The following NAV3 variants were observed in gnomAD, a reference collection of about 807,000 sequenced individuals.
NAV3 encodes neuron navigator 3, also known as pore membrane and/or filament interacting like protein 1.
Under a neutral mutation model 244.7 loss-of-function variants are expected in NAV3, and 87 were observed. That is an observed-to-expected ratio of 0.36 (90% confidence interval 0.30 to 0.42). The LOEUF (loss-of-function observed/expected upper bound fraction) is 0.42, where lower values mean the gene tolerates loss of function less well. Ranked by LOEUF, NAV3 falls within the 20% of genes least tolerant of loss-of-function variation. NAV3 has a pLI of 1.00. For synonymous variants in NAV3, 1,126 were observed against 1,042.2 expected (o/e 1.08, Z -1.55); for missense variants, 2,663 against 2,893.3 (o/e 0.92, Z 1.83).
At chr12:77,886,354 T>C (rs1287434580) in intron 1 of NAV3, among the ~76,000 whole-genome samples, 1 of 152,138 alleles carries the variant, frequency 6.6e-6, no homozygotes, top group Admixed American at 6.6e-5. Flanking sequence ...CATTCCCCAC[T>C]GTCACCACAA....
chr12:77,975,596 G>A (rs993199651), intron 5 of NAV3, among the ~76,000 whole-genome samples: 1 of 152,218 alleles, frequency 6.6e-6, no homozygotes, highest in Admixed American at 6.5e-5. Flanking sequence ...TCAGGGCAGT[G>A]TTTCAGGCTG....
intron 31 of NAV3, 104 bp from the exon 32 acceptor site, chr12:78,188,144 G>A (rs1958809886): frequency 3.7e-6 from 3 of 812,858 alleles, no homozygotes; most frequent in Admixed American, 2.2e-5. Flanking sequence ...TTAACAAATA[G>A]TTTAGTCTTA....
At chr12:77,763,207 C>T (rs1869576240) in intron 2 of NAV3, among the ~76,000 whole-genome samples, 1 of 152,036 alleles carries the variant, frequency 6.6e-6, no homozygotes, top group Non-Finnish European at 1.5e-5. Flanking sequence ...CTCATTTATG[C>T]AAGGAATATT....
chr12:78,016,968 C>T (rs1243875050), intron 8 of NAV3, among the ~76,000 whole-genome samples: 1 of 152,088 alleles, frequency 6.6e-6, no homozygotes, highest in East Asian at 1.9e-4. Context: ...CAGTAAAATA[C>T]TTAGTTCAGA....
chr12:78,183,013 G>T (rs1210470389), intron 30 of NAV3, among the ~76,000 whole-genome samples: 1 of 151,892 alleles, frequency 6.6e-6, no homozygotes, highest in Non-Finnish European at 1.5e-5. Context: ...AATATTAATT[G>T]CATGTTCCTT....
chr12:77,632,869 A>G (rs902221774), intron 2 of NAV3, among the ~76,000 whole-genome samples: 1 of 152,172 alleles, frequency 6.6e-6, no homozygotes, highest in Non-Finnish European at 1.5e-5. Context: ...AAATACAGAG[A>G]TATATCATAA....
At chr12:78,158,080 G>C (rs1447948271) in intron 22 of NAV3, among the ~76,000 whole-genome samples, 2 of 151,932 alleles carry the variant, frequency 1.3e-5, no homozygotes. Flanking sequence ...TTGTATTTTT[G>C]TGATCCATTT....
chr12:77,813,165 C>A (rs1406849958), intron 2 of NAV3, among the ~76,000 whole-genome samples: 1 of 152,164 alleles, frequency 6.6e-6, no homozygotes, highest in Non-Finnish European at 1.5e-5. Flanking sequence ...TTACTCTTAG[C>A]CCATCAGTGC....
intron 1 of NAV3, among the ~76,000 whole-genome samples, chr12:77,871,123 T>C (rs1880887104): frequency 6.6e-6 from 1 of 152,164 alleles, no homozygotes; most frequent in Admixed American, 6.5e-5. Context: ...TGCTTAACTT[T>C]ACTCCCTAGT....
intron 2 of NAV3, among the ~76,000 whole-genome samples, chr12:77,637,748 A>C (rs537567285): frequency 1.3e-5 from 2 of 152,324 alleles, no homozygotes; most frequent in Admixed American, 1.3e-4. Context: ...CTAATTTAAT[A>C]GTTCAGTCAG....
At chr12:77,831,933 A>C (rs1447770041) in intron 1 of NAV3, among the ~76,000 whole-genome samples, 1 of 152,178 alleles carries the variant, frequency 6.6e-6, no homozygotes, top group Non-Finnish European at 1.5e-5. Context: ...ATCTATTGTA[A>C]TCATTTAATA....
chr12:77,837,137 GA>G (rs1874784987), intron 1 of NAV3, among the ~76,000 whole-genome samples: 1 of 151,882 alleles, frequency 6.6e-6, no homozygotes, highest in Non-Finnish European at 1.5e-5. Flanking sequence ...GGAGCATTCA[GA>G]AAAGACCGAA....
intron 2 of NAV3, among the ~76,000 whole-genome samples, chr12:77,736,591 A>G (rs1000798072): frequency 6.6e-6 from 1 of 152,136 alleles, no homozygotes; most frequent in Non-Finnish European, 1.5e-5. Flanking sequence ...TATTTCTTAC[A>G]TGGTAATTTA....
chr12:78,048,603 G>A (rs1882234271), intron 9 of NAV3, among the ~76,000 whole-genome samples: 1 of 152,180 alleles, frequency 6.6e-6, no homozygotes, highest in Non-Finnish European at 1.5e-5. Flanking sequence ...TCATCCCAGA[G>A]GGGCACTTGC....
At chr12:77,677,875 T>C (rs915403886) in intron 2 of NAV3, among the ~76,000 whole-genome samples, 1 of 152,198 alleles carries the variant, frequency 6.6e-6, no homozygotes, top group African/African-American at 2.4e-5. Flanking sequence ...TTCAAGACAT[T>C]GCTGAGACTG....
At chr12:77,617,431 C>T (rs1871184512) in intron 2 of NAV3, among the ~76,000 whole-genome samples, 1 of 152,164 alleles carries the variant, frequency 6.6e-6, no homozygotes, top group African/African-American at 2.4e-5. Flanking sequence ...GGGGAGATTC[C>T]TGCTGCCATC....
intron 3 of NAV3, among the ~76,000 whole-genome samples, chr12:77,954,395 G>A (rs558918264): frequency 6.6e-6 from 1 of 152,316 alleles, no homozygotes; most frequent in South Asian, 2.1e-4. Flanking sequence ...TAAGCATAAT[G>A]AGGCAGAAGA....
At chr12:77,835,408 A>C (rs143968461) in intron 1 of NAV3, among the ~76,000 whole-genome samples, 1 of 152,198 alleles carries the variant, frequency 6.6e-6, no homozygotes. Context: ...CCTTGTACCA[A>C]ACAGTTTTAT....
chr12:78,009,841 C>G (rs1874950496), intron 8 of NAV3, among the ~76,000 whole-genome samples: 1 of 152,110 alleles, frequency 6.6e-6, no homozygotes, highest in Admixed American at 6.5e-5. Flanking sequence ...AAATTTTTAG[C>G]ACACAGCCAG....
Sources: gnomAD v4.1 joint callset for allele counts (sites outside exome capture counted in the v4.1 genomes callset) on GRCh38, gnomAD v4.1.1 for gene constraint, MANE v1.5 for transcripts, NCBI Gene and HGNC (gene_info 2026-07-23, HGNC 2026-07-21) for gene names.